LOC400499: variants seen among roughly 807,000 people sequenced by gnomAD.
At chr16:11,519,056 G>C in the LOC400499 span, 1 of 398,422 alleles carries the variant, frequency 2.5e-6, no homozygotes, top group Non-Finnish European at 4.4e-6. Flanking sequence ...GCAGTTCTAG[G>C]GCCCTGCAGG....
At chr16:11,381,386 C>T in the LOC400499 span, among the ~76,000 whole-genome samples, 6 of 152,080 alleles carry the variant, frequency 3.9e-5, no homozygotes, top group Non-Finnish European at 5.9e-5. Flanking sequence ...CAAGTGTGAG[C>T]CACCACACCT....
At chr16:11,410,328 C>T in the LOC400499 span, among the ~76,000 whole-genome samples, 1 of 152,180 alleles carries the variant, frequency 6.6e-6, no homozygotes, top group East Asian at 1.9e-4. Context: ...GTGGCGCACG[C>T]CTGTCATTCC....
the LOC400499 span, among the ~76,000 whole-genome samples, chr16:11,453,991 C>T: frequency 1.3e-5 from 2 of 152,234 alleles, no homozygotes; most frequent in South Asian, 4.2e-4. Flanking sequence ...TTGAAACACC[C>T]TATGCTAAGG....
At chr16:11,481,356 C>T in the LOC400499 span, among the ~76,000 whole-genome samples, 3 of 152,190 alleles carry the variant, frequency 2.0e-5, no homozygotes, top group South Asian at 6.2e-4. Flanking sequence ...AAGTCTCACT[C>T]TTGCCGCCCA....
At chr16:11,389,578 G>T in the LOC400499 span, among the ~76,000 whole-genome samples, 30 of 151,810 alleles carry the variant, frequency 2.0e-4, no homozygotes, top group African/African-American at 6.5e-4. Flanking sequence ...CCAGCTACTA[G>T]GGAGGCTGAG....
chr16:11,471,844 C>G, the LOC400499 span: 2 of 399,086 alleles, frequency 5.0e-6, no homozygotes, highest in South Asian at 2.5e-4. Context: ...GCAGGCAGCA[C>G]TGGTCAGTGG....
the LOC400499 span, among the ~76,000 whole-genome samples, chr16:11,501,742 A>G: frequency 0.035 from 5,383 of 151,850 alleles, 132 homozygotes; most frequent in Non-Finnish European, 0.052. Flanking sequence ...CCACGCCCCC[A>G]GCAGGAGGGT....
At chr16:11,421,094 T>G in the LOC400499 span, among the ~76,000 whole-genome samples, 823 of 152,244 alleles carry the variant, frequency 5.4e-3, 16 homozygotes, top group East Asian at 0.071. Flanking sequence ...ACCGCTGACC[T>G]TGATGGTGCC....
chr16:11,452,858 C>G, the LOC400499 span, among the ~76,000 whole-genome samples: 9 of 152,338 alleles, frequency 5.9e-5, no homozygotes, highest in Non-Finnish European at 8.8e-5. Flanking sequence ...TCTTCAATTT[C>G]AGAAGATTTC....
chr16:11,413,506 G>A, the LOC400499 span, among the ~76,000 whole-genome samples: 5 of 152,144 alleles, frequency 3.3e-5, no homozygotes, highest in Admixed American at 1.3e-4. Flanking sequence ...CAAGCAGGAC[G>A]AGTTCATGCC....
the LOC400499 span, among the ~76,000 whole-genome samples, chr16:11,374,963 C>G: frequency 2.0e-5 from 3 of 152,116 alleles, no homozygotes; most frequent in African/African-American, 7.2e-5. Flanking sequence ...ATCCTCATGC[C>G]TCAGCCTCCC....
the LOC400499 span, among the ~76,000 whole-genome samples, chr16:11,470,953 GA>G: frequency 6.6e-6 from 1 of 152,218 alleles, no homozygotes; most frequent in Non-Finnish European, 1.5e-5. Flanking sequence ...GTGTGGCCTT[GA>G]AAAAGGGGCC....
the LOC400499 span, chr16:11,462,481 G>A: frequency 2.1e-6 from 2 of 972,312 alleles, no homozygotes; most frequent in Non-Finnish European, 2.4e-6. Flanking sequence ...CCAAGCTGGA[G>A]TGCAGTGGTG....
chr16:11,414,757 T>G, the LOC400499 span, among the ~76,000 whole-genome samples: 1 of 152,212 alleles, frequency 6.6e-6, no homozygotes, highest in African/African-American at 2.4e-5. Flanking sequence ...GAAGTTGAAG[T>G]TGCTGAAATG....
At chr16:11,482,711 T>C in the LOC400499 span, among the ~76,000 whole-genome samples, 1 of 151,918 alleles carries the variant, frequency 6.6e-6, no homozygotes, top group Non-Finnish European at 1.5e-5. Flanking sequence ...GGCAACACAG[T>C]GAGACCCCAT....
the LOC400499 span, chr16:11,469,281 G>C: frequency 5.0e-6 from 2 of 399,128 alleles, no homozygotes; most frequent in Non-Finnish European, 4.4e-6. Flanking sequence ...AGAGTTTAGA[G>C]ACAAGGGTTC....
At chr16:11,482,562 G>T in the LOC400499 span, among the ~76,000 whole-genome samples, 1 of 152,138 alleles carries the variant, frequency 6.6e-6, no homozygotes, top group East Asian at 1.9e-4. Flanking sequence ...ACCACAGACT[G>T]GGAGAAAATA....
At chr16:11,507,851 T>A in the LOC400499 span, among the ~76,000 whole-genome samples, 1 of 151,762 alleles carries the variant, frequency 6.6e-6, no homozygotes, top group African/African-American at 2.4e-5. Context: ...GGAGGATCAC[T>A]TGAGCCAGGG....
At chr16:11,449,046 G>C in the LOC400499 span, 3 of 1,490,868 alleles carry the variant, frequency 2.0e-6, no homozygotes, top group East Asian at 7.4e-5. Flanking sequence ...TGCGTTCCAG[G>C]CTGACTCGAG....
Sources: gnomAD v4.1 joint callset for allele counts (sites outside exome capture counted in the v4.1 genomes callset) on GRCh38, gnomAD v4.1.1 for gene constraint, MANE v1.5 for transcripts.